Variants in CHD9 observed in about 807,000 individuals in gnomAD.
CHD9 encodes the protein chromodomain helicase DNA binding protein 9.
A neutral mutation model predicts 316.1 loss-of-function variants in CHD9; 77 were observed. The ratio of observed to expected loss-of-function variants is 0.24; its 90% CI spans 0.20 to 0.29. The LOEUF is 0.29. CHD9 is among the 10% of genes least tolerant of loss of function. The pLI is 1.00. For synonymous variants in CHD9, 1,129 were observed against 1,158.3 expected, an observed-to-expected ratio of 0.97 and a Z score of 0.51; for missense variants, 2,763 against 3,438.1, an observed-to-expected ratio of 0.80 and a Z score of 4.91.
At chr16:53,191,234 A>G (rs751459765) in intron 2 of CHD9, among the ~76,000 whole-genome samples, 1 of 151,982 alleles carries the variant, frequency 6.6e-6, no homozygotes, top group African/African-American at 2.4e-5. Context: ...TTCACCATTT[A>G]TATTATTTTA....
At chr16:53,118,207 A>G (rs1364426200) in intron 1 of CHD9, among the ~76,000 whole-genome samples, 3 of 152,194 alleles carry the variant, frequency 2.0e-5, no homozygotes, top group African/African-American at 7.2e-5. Context: ...ACTTGAGGCC[A>G]GGAGTTTGAG....
chr16:53,305,020 AAAG>A (rs1214241384), intron 31 of CHD9, among the ~76,000 whole-genome samples: 1 of 151,362 alleles, frequency 6.6e-6, no homozygotes, highest in Non-Finnish European at 1.5e-5. Context: ...GTGAAAATGA[AAAG>A]AACTCGTTTC....
At position 53,157,038 on chromosome 16, in the gene CHD9, A is replaced by G. The variant is rs2041567589; in HGVS notation, c.949A>G (p.Ile317Val). Residue 317 changes from isoleucine (I) to valine (V), a missense_variant, in exon 2 of 39, where the codon ATC (isoleucine) becomes GTC (valine). By Grantham distance (29) the Ile-to-Val change is conservative. Around this residue, in one of 15 missense-constraint regions of CHD9, gnomAD observed 859 missense variants for 890.4 expected, o/e 0.96. Coordinates refer to ENST00000447540, the MANE Select transcript of CHD9 (RefSeq NM_001308319.2). ...GSNSFSPHRG[I>V]KQESTQHILN... ...TAATTCCTTTTCACCTCATAGAGGA[A>G]TCAAGCAAGAATCTACTCAGCATAT... 1.2e-6 allele frequency: 2 copies of G among 1,613,092 alleles called. No individual in the cohort carries two copies. Among genetic ancestry groups the G allele is most frequent in the Non-Finnish European group, 1.7e-6 (2 of 1,179,774 alleles).
intron 1 of CHD9, among the ~76,000 whole-genome samples, chr16:53,059,682 C>T (rs574403603): frequency 7.2e-5 from 11 of 152,296 alleles, no homozygotes; most frequent in Non-Finnish European, 1.2e-4. Context: ...CTTGTCTCTG[C>T]AGGATAATGA....
At chr16:53,111,371 AG>A (rs2152616633) in intron 1 of CHD9, among the ~76,000 whole-genome samples, 1 of 152,260 alleles carries the variant, frequency 6.6e-6, no homozygotes, top group South Asian at 2.1e-4. Flanking sequence ...TTTACATCTC[AG>A]GGTTCTTCTG....
At chr16:53,116,062 T>C (rs1021107689) in intron 1 of CHD9, among the ~76,000 whole-genome samples, 2 of 152,140 alleles carry the variant, frequency 1.3e-5, no homozygotes, top group African/African-American at 4.8e-5. Context: ...ATTTTCTTTT[T>C]GCTTTTTTTC....
At chr16:53,225,854 C>T (rs1006971855) in intron 4 of CHD9, among the ~76,000 whole-genome samples, 9 of 151,770 alleles carry the variant, frequency 5.9e-5, no homozygotes, top group South Asian at 2.1e-4. Context: ...ATTTATACCC[C>T]CAATTAATTC....
At position 53,189,046 on chromosome 16, in the gene CHD9, T is replaced by G. The variant is rs542534469; in HGVS notation, c.1453-20436T>G. 1.5e-4 allele frequency among the ~76,000 whole-genome samples: 23 copies of G among 152,286 alleles called. No individual in the cohort carries two copies. The East Asian group carries it at 3.9e-3, about 26-fold the overall frequency. ...AAAAAGCTTGACATCAGATATTTGA[T>G]TTGCAGATTTCCTTGGGTTTTTTTT... is the stretch of plus-strand genomic sequence containing the variant. On this transcript the variant is annotated intron_variant, in intron 2 of 38. Coordinates refer to ENST00000447540, the MANE Select transcript of CHD9 (RefSeq NM_001308319.2).
intron 2 of CHD9, among the ~76,000 whole-genome samples, chr16:53,197,736 C>A (rs1228547901): frequency 2.6e-5 from 4 of 151,044 alleles, no homozygotes; most frequent in African/African-American, 4.9e-5. Context: ...TGCGCCGCAA[C>A]CTCCGTCACC....
chr16:53,104,950 C>T (rs946095077), intron 1 of CHD9, among the ~76,000 whole-genome samples: 3 of 151,868 alleles, frequency 2.0e-5, no homozygotes, highest in Admixed American at 6.6e-5. Context: ...CTTGCTGCCT[C>T]AGCCTCTCAA....
At chr16:53,123,794 G>A (rs1050541049) in intron 1 of CHD9, among the ~76,000 whole-genome samples, 2 of 152,060 alleles carry the variant, frequency 1.3e-5, no homozygotes, top group African/African-American at 4.8e-5. Context: ...GAGCCACCAC[G>A]CCCGGCCTAA....
chr16:53,263,078 T>C lies in CHD9; in HGVS notation c.4301T>C (p.Ile1434Thr), dbSNP rs372547335. The change falls in exon 20 of 39, where the codon ATA (isoleucine) becomes ACA (threonine). Residue 1434 changes from isoleucine (I) to threonine (T), a missense_variant. By Grantham distance (89) the Ile-to-Thr change is moderately conservative (BLOSUM62 -1). Coordinates refer to ENST00000447540, the MANE Select transcript of CHD9 (RefSeq NM_001308319.2). ...TGGGCTAAAAAGGCAGAAATAGATA[T>C]AGAGGCCATCAGTGGCAGAGTAAGT... ...QKWAKKAEID[I>T]EAISGRNSLV... The C allele has an allele frequency of 1.7e-5, 27 of 1,611,716 alleles. No homozygotes were observed. In the Middle Eastern group the frequency reaches 9.9e-4, roughly 59 times the overall value.
chr16:53,185,596 A>G (rs1402241414), intron 2 of CHD9, among the ~76,000 whole-genome samples: 2 of 152,210 alleles, frequency 1.3e-5, no homozygotes, highest in Non-Finnish European at 2.9e-5. Context: ...ATGTTAATCA[A>G]GACAATGGGG....
At chr16:53,189,618 CAA>C (rs2044320176) in intron 2 of CHD9, among the ~76,000 whole-genome samples, 1 of 151,656 alleles carries the variant, frequency 6.6e-6, no homozygotes, top group Non-Finnish European at 1.5e-5. Flanking sequence ...TCTGTATTAG[CAA>C]AAGATACTGC....
chr16:53,245,670 C>A lies in CHD9; in HGVS notation c.3274C>A (p.Pro1092Thr). 1 of 1,608,112 alleles carries A rather than the reference C, an allele frequency of 6.2e-7. No individual in the cohort carries two copies. The highest frequency in any genetic ancestry group is 1.1e-5 in the South Asian group (1 of 89,590). ...AGAAGATGTGGAAAAGAAGTTGGCA[C>A]CTAAAGAAGAAACCATCATTGAAGT... Reference protein sequence around the residue: ...LKEDVEKKLAPKEETIIEVEL... With the variant: ...LKEDVEKKLATKEETIIEVEL... The change falls in exon 15 of 39, where the codon CCT becomes ACT. Residue 1092 changes from proline (P) to threonine (T), a missense_variant. Pro to Thr is a conservative substitution (Grantham distance 38). Around this residue, in one of 15 missense-constraint regions of CHD9, gnomAD observed 155 missense variants for 291.8 expected, o/e 0.53. Transcript: ENST00000447540. The surrounding 1 kb of genome is among the most constrained non-coding windows in gnomAD (Gnocchi z 4.1).
rs1024892431 is a variant in CHD9 at position 53,059,762 on chromosome 16, A to T, written c.-165+4685A>T. On this transcript the variant is annotated intron_variant, in intron 1 of 38. Transcript: ENST00000447540. ...GTAAATATTTTGAGCTTTATGGACC[A>T]TAGGGTTTCAGTTGCAACTGCAGTA... Among the ~76,000 whole-genome samples the T allele has an allele frequency of 2.0e-5, 3 of 152,226 alleles. No homozygotes were observed. In the East Asian group the frequency reaches 5.8e-4, roughly 29 times the overall value.
intron 10 of CHD9, among the ~76,000 whole-genome samples, chr16:53,233,959 A>G (rs937372976): frequency 2.6e-5 from 4 of 152,166 alleles, no homozygotes; most frequent in African/African-American, 9.7e-5. Context: ...TGGGGCCAGG[A>G]TAATGTTATT....
chr16:53,285,715 G>A lies in CHD9; in HGVS notation c.5071+16G>A. On this transcript the variant is annotated intron_variant, in intron 25 of 38. Coordinates refer to ENST00000447540, the MANE Select transcript of CHD9 (RefSeq NM_001308319.2). ...TTTAAACATGGTAAGTAAGAAGTAA[G>A]GTAGGTGAGATCCCCTTCTATGTAT... is the stretch of plus-strand genomic sequence containing the variant. 6.9e-7 allele frequency: 1 copy of A among 1,444,370 alleles called. No homozygotes were observed. The highest frequency in any genetic ancestry group is 9.7e-7 in the Non-Finnish European group (1 of 1,035,266). 89.5% of individuals were successfully genotyped at this position (1,444,370 alleles called of 1,614,324 possible).
intron 1 of CHD9, among the ~76,000 whole-genome samples, chr16:53,107,649 T>C (rs1469370119): frequency 6.6e-6 from 1 of 151,676 alleles, no homozygotes; most frequent in Non-Finnish European, 1.5e-5. Context: ...ACCACTGCAC[T>C]GCAGCCTGGA....
Sources: allele counts gnomAD v4.1 joint callset (sites outside exome capture counted in the v4.1 genomes callset), GRCh38; gene constraint gnomAD v4.1.1; regional missense constraint gnomAD v4.1.1; non-coding constraint Gnocchi (gnomAD v3.1); transcripts MANE v1.5; gene names NCBI Gene and HGNC (gene_info 2026-07-23, HGNC 2026-07-21).